E2F8: variants seen among roughly 807,000 people sequenced by gnomAD.
E2F8 encodes the protein transcription factor E2F8.
E2F8 carries 35 observed loss-of-function variants against 80.8 expected under a neutral mutation model. The observed-to-expected ratio is 0.43, with a 90% CI of 0.33 to 0.57. The LOEUF (loss-of-function observed/expected upper bound fraction) is 0.57. Among genes scored for constraint, E2F8 ranks in the 20% least tolerant of loss-of-function variants. E2F8 has a pLI of 0.04. For synonymous variants in E2F8, 386 were observed against 395.0 expected (o/e 0.98, Z 0.27); for missense variants, 975 against 1,056.2 (o/e 0.92, Z 1.07).
Position 19,225,335 on chromosome 11 carries a change from A to C in E2F8, c.2307T>G (p.Asn769Lys), listed in dbSNP as rs529835686. The C allele has an allele frequency of 8.7e-6, 14 of 1,614,194 alleles. No individual in the cohort carries two copies. The South Asian group carries it at 1.5e-4, about 18-fold the overall frequency. Residue 769 changes from asparagine (N) to lysine (K), a missense_variant, in exon 12 of 13, where the codon AAT becomes AAG. Physicochemically the swap from Asn to Lys is moderately conservative, Grantham distance 94. Transcript: ENST00000250024. ...GAGTGCCTGCATTTTCTGGTGCGAC[A>C]TTAACAGACTCTATTCTTGGAGACA... ...VPVSPRIESV[N>K]VAPENAGTQQ...
chr11:19,225,427 G>T lies in E2F8; in HGVS notation c.2215C>A (p.Gln739Lys). 6.2e-7 allele frequency: 1 copy of T among 1,614,204 alleles called. No individual in the cohort carries two copies. Among genetic ancestry groups the T allele is most frequent in the South Asian group, 1.1e-5 (1 of 91,076 alleles). ...PSSAIVNFTLQHLGLISPNVQ... is the reference protein window; with the variant it reads ...PSSAIVNFTLKHLGLISPNVQ... ...TTGGGTGAGATGAGTCCCAGGTGCT[G>T]CAGGGTGAAGTTTACAATGGCTGAG... Residue 739 changes from glutamine (Q) to lysine (K), a missense_variant, in exon 12 of 13, where the codon CAG (glutamine) becomes AAG (lysine). By Grantham distance (53) the Gln-to-Lys change is moderately conservative (BLOSUM62 1). Transcript: ENST00000250024.
At chr11:19,237,751 C>T (rs1453169357) in intron 3 of E2F8, 103 bp downstream of exon 3, 13 of 1,439,354 alleles carry the variant, frequency 9.0e-6, no homozygotes, top group African/African-American at 5.7e-5. Flanking sequence ...TAACAGCCTT[C>T]GGGTGGTGAT....
Position 19,224,467 on chromosome 11 carries a change from A to ATG in E2F8, c.*190_*191insCA, listed in dbSNP as rs1282754709. On this transcript the variant is annotated 3_prime_UTR_variant, in exon 13 of 13. Coordinates refer to ENST00000250024, the MANE Select transcript of E2F8 (RefSeq NM_024680.4). Reference sequence around the variant, plus strand: ...AAGCTAAACTTAGCTTTATACAAATATATGTGTGTGTGTGTGTGTGTGTGT... The same window carrying ATG: ...AAGCTAAACTTAGCTTTATACAAATATGTATGTGTGTGTGTGTGTGTGTGTGT... 14 of 460,334 alleles carry ATG rather than the reference A, an allele frequency of 3.0e-5. No individual in the cohort carries two copies. The highest frequency in any genetic ancestry group is 5.4e-5 in the African/African-American group (2 of 36,938). 28.5% of individuals were successfully genotyped at this position (460,334 alleles called of 1,614,324 possible). A position where few individuals can be genotyped will look rare whatever the true frequency, so the allele number is the denominator to read the frequency against.
rs1851177613 is a variant in E2F8, at chr11:19,224,551, C to G, written c.*107G>C. On this transcript the variant is annotated 3_prime_UTR_variant, in exon 13 of 13. Coordinates refer to ENST00000250024, the MANE Select transcript of E2F8 (RefSeq NM_024680.4). ...TCTGATTTCACATTGAACAAATCCCCAACGTATTTACAGTATTTTCAGAGA... is the reference window on the plus strand; with the variant it reads ...TCTGATTTCACATTGAACAAATCCCGAACGTATTTACAGTATTTTCAGAGA... 8.9e-7 allele frequency: 1 copy of G among 1,128,222 alleles called. No homozygotes were observed. The highest frequency in any genetic ancestry group is 1.2e-6 in the Non-Finnish European group (1 of 801,152). The allele number at this position is 1,128,222 out of a possible 1,614,324, so 69.9% of individuals were successfully genotyped here. A position where few individuals can be genotyped will look rare whatever the true frequency, so the allele number is the denominator to read the frequency against.
At position 19,229,045 on chromosome 11, in the gene E2F8, A is replaced by C. The variant is rs1273204333; in HGVS notation, c.1893+409T>G. Among the ~76,000 whole-genome samples, 4 of 152,234 alleles carry C rather than the reference A, an allele frequency of 2.6e-5. No individual in the cohort carries two copies. Among genetic ancestry groups the C allele is most frequent in the Admixed American group, 6.5e-5 (1 of 15,282 alleles). ...ATTTATCTTCTAGGCAACAGATGCC[A>C]GTTACATGACAACAAACAAACATTA... On this transcript the variant is annotated intron_variant, in intron 10 of 12. Coordinates refer to ENST00000250024, the MANE Select transcript of E2F8 (RefSeq NM_024680.4). This position sits in a 1 kb window ranked among gnomAD's most constrained non-coding sequence, Gnocchi z 4.3.
intron 9 of E2F8, 125 bp downstream of exon 9, chr11:19,230,114 GTA>G (rs1325598295): frequency 3.2e-5 from 47 of 1,482,564 alleles, no homozygotes; most frequent in Non-Finnish European, 4.1e-5. Context: ...TAATGAGTGA[GTA>G]TGAGATACAG....
rs762432508 is a variant in E2F8 at position 19,240,126 on chromosome 11, T to C, written c.-5A>G. 7 of 1,523,666 alleles carry C rather than the reference T, an allele frequency of 4.6e-6. No homozygotes were observed. The South Asian group carries it at 9.1e-5, about 20-fold the overall frequency. 94.4% of individuals were successfully genotyped at this position (1,523,666 alleles called of 1,614,324 possible). ...AAGTACCTTTTCGTTCTCCATTCTG[T>C]AAATTCCTCATACATTTAGAGTTTA... is the stretch of plus-strand genomic sequence containing the variant. On this transcript the variant is annotated 5_prime_UTR_variant, in exon 2 of 13. Transcript: ENST00000250024.
intron 6 of E2F8, among the ~76,000 whole-genome samples, chr11:19,234,145 TAAA>T (rs967973962): frequency 1.1e-5 from 1 of 92,564 alleles, no homozygotes; most frequent in Non-Finnish European, 2.1e-5. Context: ...AGACTCCGTC[TAAA>T]AAAAAAAAAA....
chr11:19,224,720 A>G lies in E2F8; in HGVS notation c.2542T>C (p.Ser848Pro). Residue 848 changes from serine (S) to proline (P), a missense_variant, in exon 13 of 13, where the codon TCC (serine) becomes CCC (proline). Ser to Pro is a moderately conservative substitution (Grantham distance 74). Transcript: ENST00000250024. ...CMDFEGANKT[S>P]LGTLFVPQRK... ...TGTGGGACAAAGAGAGTTCCTAAGG[A>G]GGTTTTATTAGCACCCTCAAAATCC... The G allele has an allele frequency of 6.2e-7, 1 of 1,614,128 alleles. No homozygotes were observed. The highest frequency in any genetic ancestry group is 2.2e-5 in the East Asian group (1 of 44,882).
In E2F8 at chr11:19,237,814, A is replaced by G. The variant is rs762806844; in HGVS notation, c.294+40T>C. ...AGCTACAACCTCCCCCCTCCCCCCA[A>G]CAAATTCCCCAGCCTCCAACCAGTC... On this transcript the variant is annotated intron_variant, in intron 3 of 12. Transcript: ENST00000250024. 1.5e-5 allele frequency: 24 copies of G among 1,574,228 alleles called. No homozygotes were observed. The East Asian group carries it at 3.2e-4, about 21-fold the overall frequency.
chr11:19,238,204 T>G, intron 2 of E2F8, 72 bp from the exon 3 acceptor site: 1 of 1,454,962 alleles, frequency 6.9e-7, no homozygotes, highest in Non-Finnish European at 9.2e-7. Flanking sequence ...ATTCTAGAAA[T>G]TGCATAACGA....
At chr11:19,232,425 T>C (rs1405189785) in intron 6 of E2F8, 54 bp from the exon 7 acceptor site, 2 of 1,505,712 alleles carry the variant, frequency 1.3e-6, no homozygotes, top group Admixed American at 1.9e-5. Context: ...GATCAAAGAA[T>C]TTTCCTTCAG....
rs996272693 is a variant in E2F8 at position 19,235,580 on chromosome 11, C to T, written c.452-522G>A. On this transcript the variant is annotated intron_variant, in intron 4 of 12. Coordinates refer to ENST00000250024, the MANE Select transcript of E2F8 (RefSeq NM_024680.4). Reference sequence around the variant, plus strand: ...AGGAGAATGGTGTGAACCCGGGAGGCGGAGCTTGCAGTGAGCCTAGATCGC... The same window carrying T: ...AGGAGAATGGTGTGAACCCGGGAGGTGGAGCTTGCAGTGAGCCTAGATCGC... Among the ~76,000 whole-genome samples the T allele has an allele frequency of 6.6e-5, 10 of 151,974 alleles. No homozygotes were observed. In the East Asian group the frequency reaches 9.7e-4, roughly 15 times the overall value.
Position 19,224,836 on chromosome 11 carries a change from A to G in E2F8, c.2426T>C (p.Val809Ala), listed in dbSNP as rs1851186771. Residue 809 changes from valine to alanine, a missense_variant, in exon 13 of 13, where the codon GTT (valine) becomes GCT (alanine). Coordinates refer to ENST00000250024, the MANE Select transcript of E2F8 (RefSeq NM_024680.4). ...TTGTGACCCTTTGGGTGTCACAGGA[A>G]CAGGCTGATTGGAAAGAGAAGAATG... ...SVAVTGAQQP[V>A]PVTPKGSQLV... The G allele has an allele frequency of 1.2e-6, 2 of 1,614,178 alleles. No individual in the cohort carries two copies. The highest frequency in any genetic ancestry group is 1.7e-6 in the Non-Finnish European group (2 of 1,180,032).
rs1851468018 is a variant in E2F8, at chr11:19,234,756, C to G, written c.754G>C (p.Glu252Gln). The change falls in exon 5 of 13, where the codon GAA (glutamate) becomes CAA (glutamine). Residue 252 changes from glutamate to glutamine, a missense_variant. Transcript: ENST00000250024. ...TACCATCTCTCACCTGCCCGAAATT[C>G]CACTCCAGGGAGTTCCACAAAACAC... is the stretch of plus-strand genomic sequence containing the variant. Reference protein sequence around the residue: ...DMCFVELPGVEFRAASVNSRK... With the variant: ...DMCFVELPGVQFRAASVNSRK... The G allele has an allele frequency of 6.2e-7, 1 of 1,609,880 alleles. No individual in the cohort carries two copies. Among genetic ancestry groups the G allele is most frequent in the African/African-American group, 1.3e-5 (1 of 74,890 alleles).
In E2F8 at chr11:19,224,446, T is replaced by C. The variant is rs887722460; in HGVS notation, c.*212A>G. The stretch of plus-strand genomic sequence containing the variant: ...ACTTTTATTTTGTAGGATTGAAAGC[T>C]AAACTTAGCTTTATACAAATATATG... On this transcript the variant is annotated 3_prime_UTR_variant, in exon 13 of 13. Coordinates refer to ENST00000250024, the MANE Select transcript of E2F8 (RefSeq NM_024680.4). The C allele has an allele frequency of 2.3e-6, 1 of 441,992 alleles. No homozygotes were observed. Among genetic ancestry groups the C allele is most frequent in the Non-Finnish European group, 3.9e-6 (1 of 256,946 alleles). The allele number at this position is 441,992 out of a possible 1,614,324, so 27.4% of individuals were successfully genotyped here.
chr11:19,231,257 C>T (rs1389622563), intron 7 of E2F8, among the ~76,000 whole-genome samples: 1 of 152,176 alleles, frequency 6.6e-6, no homozygotes, highest in Admixed American at 6.5e-5. Context: ...AGACATTAAC[C>T]TACTGGCTCA....
In E2F8 at chr11:19,229,902, T is replaced by TC; in HGVS notation, c.1444dup (p.Glu482GlyfsTer70). On this transcript the variant is annotated frameshift_variant, in exon 10 of 13. Transcript: ENST00000250024. LOFTEE classifies it high-confidence loss of function. The surrounding 1 kb of genome is among the most constrained non-coding windows in gnomAD (Gnocchi z 4.3). ...GAGGGACGGTGCTGTCAGCTCCATCTCAGCATTCACTGGGGGGTCCAGAGG... is the reference window on the plus strand; with the variant it reads ...GAGGGACGGTGCTGTCAGCTCCATCTCCAGCATTCACTGGGGGGTCCAGAGG... The TC allele has an allele frequency of 6.2e-7, 1 of 1,614,106 alleles. No homozygotes were observed. Among genetic ancestry groups the TC allele is most frequent in the Non-Finnish European group, 8.5e-7 (1 of 1,180,016 alleles).
chr11:19,236,357 T>C (rs575419438), intron 4 of E2F8, among the ~76,000 whole-genome samples: 28 of 152,352 alleles, frequency 1.8e-4, no homozygotes, highest in African/African-American at 6.5e-4. Flanking sequence ...TTTTTTCCAC[T>C]ATGCATGTTA....
Sources: allele counts gnomAD v4.1 joint callset (sites outside exome capture counted in the v4.1 genomes callset), GRCh38; gene constraint gnomAD v4.1.1; non-coding constraint Gnocchi (gnomAD v3.1); transcripts MANE v1.5; gene names NCBI Gene and HGNC (gene_info 2026-07-23, HGNC 2026-07-21).